PDE1C: variants seen among roughly 807,000 people sequenced by gnomAD.
The protein encoded by PDE1C is dual specificity calcium/calmodulin-dependent 3',5'-cyclic nucleotide phosphodiesterase 1C.
A neutral mutation model predicts 93.1 loss-of-function variants in PDE1C; 62 were observed. The ratio of observed to expected loss-of-function variants is 0.67; its 90% confidence interval spans 0.54 to 0.82. The LOEUF is 0.82. Among genes scored for constraint, PDE1C ranks in the 40% least tolerant of loss-of-function variants. The probability of loss-of-function intolerance (pLI) is 0.00; values close to 1 mark genes in which losing one functional copy is unlikely to be tolerated. For synonymous variants in PDE1C, 325 were observed against 310.1 expected (o/e 1.05, Z -0.50); for missense variants, 742 against 884.6 (o/e 0.84, Z 2.04).
upstream of PDE1C, among the ~76,000 whole-genome samples, chr7:32,073,618 A>G (rs556069748): frequency 3.3e-5 from 5 of 152,250 alleles, no homozygotes; most frequent in Admixed American, 3.3e-4. Flanking sequence ...CCACAAAACA[A>G]CTAAGGATTC....
intron 3 of PDE1C, among the ~76,000 whole-genome samples, chr7:32,087,199 T>C (rs7789125): frequency 0.61 from 87,363 of 142,456 alleles, 27,438 homozygotes; most frequent in African/African-American, 0.7. Flanking sequence ...AGGATATGAA[T>C]AGAGACTTCT....
chr7:31,802,664 T>A (rs892208430), intron 16 of PDE1C, among the ~76,000 whole-genome samples: 2 of 151,602 alleles, frequency 1.3e-5, no homozygotes, highest in Non-Finnish European at 3.0e-5. Flanking sequence ...TCTTGGTTTC[T>A]GAAAAATATT....
chr7:32,029,991 A>G (rs1367186574), intron 2 of PDE1C, among the ~76,000 whole-genome samples: 1 of 152,056 alleles, frequency 6.6e-6, no homozygotes, highest in African/African-American at 2.4e-5. Context: ...AACTTTTTAA[A>G]AAGAGGTACA....
At chr7:32,220,383 G>A (rs1303098719) in intron 1 of PDE1C, among the ~76,000 whole-genome samples, 3 of 152,214 alleles carry the variant, frequency 2.0e-5, no homozygotes, top group African/African-American at 7.2e-5. Flanking sequence ...TTTCAGATGA[G>A]GAAGGTGAAA....
chr7:32,313,140 A>C (rs1783089225), intron 1 of PDE1C, among the ~76,000 whole-genome samples: 1 of 152,108 alleles, frequency 6.6e-6, no homozygotes, highest in Non-Finnish European at 1.5e-5. Flanking sequence ...GCAGCCAAAA[A>C]ACACATGAAA....
At chr7:32,041,255 C>T (rs544378744) in intron 2 of PDE1C, among the ~76,000 whole-genome samples, 137 of 152,290 alleles carry the variant, frequency 9.0e-4, no homozygotes, top group South Asian at 2.9e-3. Context: ...ACCAGGTTCA[C>T]GACAGGACTC....
intron 1 of PDE1C, among the ~76,000 whole-genome samples, chr7:32,068,889 C>T (rs1418746942): frequency 1.3e-5 from 2 of 152,246 alleles, no homozygotes; most frequent in African/African-American, 4.8e-5. Context: ...AACAAACTTT[C>T]TGTGTGCAGC....
chr7:32,204,336 G>A (rs1484058330), intron 2 of PDE1C, among the ~76,000 whole-genome samples: 2 of 152,178 alleles, frequency 1.3e-5, no homozygotes, highest in Admixed American at 6.5e-5. Context: ...AAGTGAAACC[G>A]CAGATAAGGG....
intron 1 of PDE1C, among the ~76,000 whole-genome samples, chr7:32,221,349 G>A (rs988059431): frequency 1.3e-5 from 2 of 152,172 alleles, no homozygotes. Context: ...TTGATTCTTG[G>A]GAGAAGTGGA....
At chr7:31,869,662 A>G (rs1024253281) in intron 6 of PDE1C, among the ~76,000 whole-genome samples, 15 of 152,212 alleles carry the variant, frequency 9.9e-5, no homozygotes, top group African/African-American at 3.6e-4. Flanking sequence ...AGACTCTAAT[A>G]CAATAATAGT....
At chr7:32,098,054 C>G (rs1797851565) in intron 3 of PDE1C, among the ~76,000 whole-genome samples, 1 of 148,382 alleles carries the variant, frequency 6.7e-6, no homozygotes, top group African/African-American at 2.6e-5. Flanking sequence ...CACGGTGAAA[C>G]CCCGTCTCTA....
intron 3 of PDE1C, among the ~76,000 whole-genome samples, chr7:32,133,633 G>C (rs1044808822): frequency 2.6e-5 from 4 of 152,036 alleles, no homozygotes. Context: ...CCCACCACAC[G>C]CATGACAGCT....
intron 2 of PDE1C, among the ~76,000 whole-genome samples, chr7:32,183,319 C>T (rs1803576876): frequency 6.6e-6 from 1 of 152,228 alleles, no homozygotes; most frequent in Non-Finnish European, 1.5e-5. Context: ...TCAGGTGGAA[C>T]CAAAAAAGAG....
intron 3 of PDE1C, among the ~76,000 whole-genome samples, chr7:32,086,726 A>T (rs1797105790): frequency 6.6e-6 from 1 of 152,252 alleles, no homozygotes; most frequent in South Asian, 2.1e-4. Context: ...CTGATCTTTG[A>T]CAAACCTGAG....
At chr7:31,990,782 T>C (rs1784058263) in intron 2 of PDE1C, among the ~76,000 whole-genome samples, 1 of 152,176 alleles carries the variant, frequency 6.6e-6, no homozygotes, top group African/African-American at 2.4e-5. Context: ...AAGATTAAAT[T>C]ATCCTCTGCT....
At chr7:32,236,922 T>A (rs1013151237) in intron 1 of PDE1C, among the ~76,000 whole-genome samples, 1 of 151,922 alleles carries the variant, frequency 6.6e-6, no homozygotes, top group Non-Finnish European at 1.5e-5. Context: ...ATAAACAAAC[T>A]GTGGTACACC....
At chr7:31,832,268 TACA>T (rs1358234158) in intron 11 of PDE1C, among the ~76,000 whole-genome samples, 2 of 152,204 alleles carry the variant, frequency 1.3e-5, no homozygotes, top group African/African-American at 2.4e-5. Flanking sequence ...TATAAAATTG[TACA>T]ACAATACAAA....
chr7:32,011,990 C>T (rs147738375), intron 2 of PDE1C, among the ~76,000 whole-genome samples: 162 of 152,210 alleles, frequency 1.1e-3, no homozygotes, highest in Admixed American at 2.0e-3. Flanking sequence ...AACTAGTATT[C>T]CACAATATAA....
chr7:32,370,896 G>A (rs561592038), intron 1 of PDE1C, among the ~76,000 whole-genome samples: 1 of 151,720 alleles, frequency 6.6e-6, no homozygotes. Flanking sequence ...CAAAAAGAAT[G>A]AAATCCTGCC....
Sources: allele counts gnomAD v4.1 joint callset (sites outside exome capture counted in the v4.1 genomes callset), GRCh38; gene constraint gnomAD v4.1.1; transcripts MANE v1.5; gene names NCBI Gene and HGNC (gene_info 2026-07-23, HGNC 2026-07-21).